TMEM200A: variants seen among roughly 807,000 people sequenced by gnomAD.
The protein encoded by TMEM200A is two transmembrane C.
Under a neutral mutation model 24.3 loss-of-function variants are expected in TMEM200A, and 12 were observed. That is an observed-to-expected ratio of 0.49 (90% CI 0.32 to 0.80). TMEM200A has a LOEUF of 0.80. Ranked by LOEUF, TMEM200A falls within the 30% of genes least tolerant of loss-of-function variation. The probability of loss-of-function intolerance (pLI) is 0.04; values close to 1 mark genes in which losing one functional copy is unlikely to be tolerated. For missense variants in TMEM200A, 545 were observed against 614.4 expected (o/e 0.89, Z 1.19); for synonymous variants, 224 against 224.4 (o/e 1.00, Z 0.02).
chr6:130,368,877 C>T (rs530781571), intron 1 of TMEM200A, among the ~76,000 whole-genome samples: 5 of 152,302 alleles, frequency 3.3e-5, no homozygotes, highest in Admixed American at 2.6e-4. Context: ...AGTTCCTCCA[C>T]CTTTCTGCTC....
chr6:130,402,020 G>A (rs184230457), intron 2 of TMEM200A, among the ~76,000 whole-genome samples: 22 of 151,148 alleles, frequency 1.5e-4, no homozygotes, highest in Admixed American at 6.6e-4. Flanking sequence ...GTTGACTATC[G>A]TGGCTTTGCC....
intron 2 of TMEM200A, among the ~76,000 whole-genome samples, chr6:130,414,243 C>T (rs1302197819): frequency 1.3e-5 from 2 of 151,832 alleles, no homozygotes; most frequent in Admixed American, 6.6e-5. Flanking sequence ...ACCAGCCTGG[C>T]CAACATGGTG....
intron 2 of TMEM200A, chr6:130,437,979 G>A (rs892064648): frequency 5.3e-5 from 8 of 152,084 alleles, no homozygotes; most frequent in Non-Finnish European, 1.2e-4. Context: ...TAAATGAAAC[G>A]TTTTTGCCCT....
Position 130,441,593 on chromosome 6 carries a change from C to T in TMEM200A, c.1171C>T (p.Leu391Phe), listed in dbSNP as rs1188504977. ...TGGGTCCAATACATCCTTGCATTTG[C>T]TCTCGTCACACTCAAAGTCCTTGGA... ...QFGSNTSLHL[L>F]SSHSKSLDLD... Residue 391 changes from leucine (L) to phenylalanine (F), a missense_variant, in exon 3 of 3, where the codon CTC becomes TTC. Coordinates refer to ENST00000296978, the MANE Select transcript of TMEM200A (RefSeq NM_001258277.2). 1.2e-6 allele frequency: 2 copies of T among 1,614,048 alleles called. No individual in the cohort carries two copies. The highest frequency in any genetic ancestry group is 1.7e-5 in the Admixed American group (1 of 60,022).
At position 130,441,245 on chromosome 6, in the gene TMEM200A, T is replaced by C; in HGVS notation, c.823T>C (p.Cys275Arg). 1 of 1,614,114 alleles carries C rather than the reference T, an allele frequency of 6.2e-7. No homozygotes were observed. The change falls in exon 3 of 3, where the codon TGT (cysteine) becomes CGT (arginine). Residue 275 changes from cysteine to arginine, a missense_variant. Transcript: ENST00000296978. ...TDDKTSGSKK[C>R]ETKSIVSSSI... ...TGATAAGACCAGCGGCTCTAAGAAA[T>C]GTGAAACCAAGTCAATTGTGTCATC...
intron 1 of TMEM200A, among the ~76,000 whole-genome samples, chr6:130,371,515 G>T (rs554302118): frequency 6.6e-6 from 1 of 152,200 alleles, no homozygotes; most frequent in Admixed American, 6.5e-5. Flanking sequence ...TGAAGGACCA[G>T]CTAAAGGTTG....
At chr6:130,384,673 T>A (rs919704884) in intron 1 of TMEM200A, among the ~76,000 whole-genome samples, 1 of 152,238 alleles carries the variant, frequency 6.6e-6, no homozygotes, top group Non-Finnish European at 1.5e-5. Flanking sequence ...CTTCAAACTT[T>A]CCTTTGTAGT....
chr6:130,441,119 T>C lies in TMEM200A; in HGVS notation c.697T>C (p.Leu233=), dbSNP rs757832862. ...CTCCGTGGAGGAGGATGAACTTATG[T>C]TAAATGAAGGTAAGAGTTCTGGGCA... ...DSSVEEDELM[L]NEGKSSGHLM... The change falls in exon 3 of 3, where the codon TTA becomes CTA. Residue 233 remains leucine, a synonymous_variant. Coordinates refer to ENST00000296978, the MANE Select transcript of TMEM200A (RefSeq NM_001258277.2). 6.2e-7 allele frequency: 1 copy of C among 1,614,034 alleles called. No homozygotes were observed. Among genetic ancestry groups the C allele is most frequent in the Admixed American group, 1.7e-5 (1 of 60,006 alleles).
Position 130,378,540 on chromosome 6 carries a change from C to T in TMEM200A, c.-80-6633C>T, listed in dbSNP as rs558301826. Among the ~76,000 whole-genome samples, 3 of 151,728 alleles carry T rather than the reference C, an allele frequency of 2.0e-5. No individual in the cohort carries two copies. In the South Asian group the frequency reaches 6.3e-4, roughly 32 times the overall value. ...AGATCGAGACCATCCTGGCTAACATCGTGAAACCCCATCTCTGCTAAAAAA... is the reference window on the plus strand; with the variant it reads ...AGATCGAGACCATCCTGGCTAACATTGTGAAACCCCATCTCTGCTAAAAAA... On this transcript the variant is annotated intron_variant, in intron 1 of 2. Transcript: ENST00000296978.
At chr6:130,373,790 G>T (rs1778375951) in intron 1 of TMEM200A, among the ~76,000 whole-genome samples, 1 of 152,140 alleles carries the variant, frequency 6.6e-6, no homozygotes, top group African/African-American at 2.4e-5. Flanking sequence ...TCAGGCTCTT[G>T]ATACTTAATG....
rs1780236677 is a variant in TMEM200A, at chr6:130,443,042, T to C, written c.*1144T>C. ...TCTTAGTCACTGAAGATAATAAATA[T>C]TAAAATGGATGTTTTCATCAGAAAA... On this transcript the variant is annotated 3_prime_UTR_variant, in exon 3 of 3. Transcript: ENST00000296978. The C allele has an allele frequency of 6.0e-6, 1 of 166,732 alleles. No homozygotes were observed. The highest frequency in any genetic ancestry group is 1.5e-5 in the Non-Finnish European group (1 of 68,106). The allele number at this position is 166,732 out of a possible 1,614,324, so 10.3% of individuals were successfully genotyped here.
chr6:130,421,593 A>G (rs1779591006), intron 2 of TMEM200A, among the ~76,000 whole-genome samples: 2 of 151,700 alleles, frequency 1.3e-5, no homozygotes, highest in South Asian at 4.2e-4. Flanking sequence ...TAAATATGTA[A>G]CATAGTATTT....
At chr6:130,375,761 C>T (rs999546958) in intron 1 of TMEM200A, among the ~76,000 whole-genome samples, 1 of 152,096 alleles carries the variant, frequency 6.6e-6, no homozygotes, top group Non-Finnish European at 1.5e-5. Flanking sequence ...GAAGGTTGCT[C>T]TTTTGGAGCA....
chr6:130,386,967 G>A (rs989455826), intron 2 of TMEM200A, among the ~76,000 whole-genome samples: 3 of 152,148 alleles, frequency 2.0e-5, no homozygotes, highest in Non-Finnish European at 4.4e-5. Flanking sequence ...CAGTTATGGT[G>A]GAGGCAGTCA....
At chr6:130,399,832 C>A (rs1192563174) in intron 2 of TMEM200A, among the ~76,000 whole-genome samples, 1 of 151,758 alleles carries the variant, frequency 6.6e-6, no homozygotes, top group Non-Finnish European at 1.5e-5. Context: ...TGTCCCTCGC[C>A]CCCCTCCTAC....
At chr6:130,384,184 T>C (rs1390846926) in intron 1 of TMEM200A, among the ~76,000 whole-genome samples, 2 of 152,208 alleles carry the variant, frequency 1.3e-5, no homozygotes, top group African/African-American at 2.4e-5. Context: ...TCAGTTGTTG[T>C]TAGTCTTTTA....
In TMEM200A at chr6:130,416,492, C is replaced by T. The variant is rs548363778; in HGVS notation, c.-16-23915C>T. Among the ~76,000 whole-genome samples, 7 of 152,218 alleles carry T rather than the reference C, an allele frequency of 4.6e-5. No individual in the cohort carries two copies. The East Asian group carries it at 1.4e-3, about 29-fold the overall frequency. ...AAAGGTGCCATCATCCATCCAATTGCTCAAGCCAGCAACTGGGCATCATCT... is the reference window on the plus strand; with the variant it reads ...AAAGGTGCCATCATCCATCCAATTGTTCAAGCCAGCAACTGGGCATCATCT... On this transcript the variant is annotated intron_variant, in intron 2 of 2. Coordinates refer to ENST00000296978, the MANE Select transcript of TMEM200A (RefSeq NM_001258277.2).
intron 2 of TMEM200A, among the ~76,000 whole-genome samples, chr6:130,419,203 A>G (rs1219406992): frequency 2.0e-5 from 3 of 152,178 alleles, no homozygotes; most frequent in African/African-American, 4.8e-5. Context: ...ATTTCGCTTA[A>G]CATAATGACC....
At chr6:130,411,235 C>T (rs370749706) in intron 2 of TMEM200A, among the ~76,000 whole-genome samples, 1 of 151,648 alleles carries the variant, frequency 6.6e-6, no homozygotes, top group Non-Finnish European at 1.5e-5. Context: ...CAGTAGTTGA[C>T]TGTGTTGGGA....
Sources: gnomAD v4.1 joint callset for allele counts (sites outside exome capture counted in the v4.1 genomes callset) on GRCh38, gnomAD v4.1.1 for gene constraint, MANE v1.5 for transcripts, NCBI Gene and HGNC (gene_info 2026-07-23, HGNC 2026-07-21) for gene names.